The following TANC1 variants were observed in gnomAD, a reference collection of about 807,000 sequenced individuals.
The protein encoded by TANC1 is tetratricopeptide repeat, ankyrin repeat and coiled-coil containing 1.
A neutral mutation model predicts 149.7 loss-of-function variants in TANC1; 77 were observed. The ratio of observed to expected loss-of-function variants is 0.51; its 90% CI spans 0.43 to 0.62. The LOEUF is 0.62. TANC1 is among the 20% of genes least tolerant of loss of function. TANC1 has a pLI of 0.00. For missense variants in TANC1, 1,985 were observed against 2,321.8 expected (o/e 0.85, Z 2.98); for synonymous variants, 854 against 925.0 (o/e 0.92, Z 1.39).
At chr2:159,016,852 G>T (rs894093443) in intron 2 of TANC1, among the ~76,000 whole-genome samples, 4 of 152,132 alleles carry the variant, frequency 2.6e-5, no homozygotes, top group Admixed American at 1.3e-4. Context: ...GGGATTACAG[G>T]TGTGAGCCAC....
At chr2:159,078,906 G>A (rs958563706) in intron 3 of TANC1, among the ~76,000 whole-genome samples, 2 of 151,862 alleles carry the variant, frequency 1.3e-5, no homozygotes, top group African/African-American at 2.4e-5. Flanking sequence ...TAATTATGAG[G>A]GTTAAATATT....
Position 159,194,511 on chromosome 2 carries a change from C to G in TANC1, c.2979+18C>G, listed in dbSNP as rs968208007. The G allele has an allele frequency of 6.2e-7, 1 of 1,601,630 alleles. No individual in the cohort carries two copies. Among genetic ancestry groups the G allele is most frequent in the Non-Finnish European group, 8.6e-7 (1 of 1,168,842 alleles). On this transcript the variant is annotated intron_variant, in intron 17 of 26. Coordinates refer to ENST00000263635, the MANE Select transcript of TANC1 (RefSeq NM_033394.3). ...GAGTGAGAGTAAGCGGCAGCCTGCT[C>G]TTTTGGGGCTGGGGCAGGGAAATGG...
At chr2:159,000,892 C>G (rs2036566829) in intron 1 of TANC1, among the ~76,000 whole-genome samples, 188 bp from the exon 2 acceptor site, 1 of 152,174 alleles carries the variant, frequency 6.6e-6, no homozygotes, top group Admixed American at 6.5e-5. Flanking sequence ...CTGCGCTGGA[C>G]ACTGCCCTAA....
chr2:159,118,875 C>T (rs2048566010), intron 4 of TANC1, among the ~76,000 whole-genome samples: 1 of 152,142 alleles, frequency 6.6e-6, no homozygotes, highest in African/African-American at 2.4e-5. Flanking sequence ...AGAAGAAACA[C>T]TTTAAACTCT....
intron 3 of TANC1, among the ~76,000 whole-genome samples, chr2:159,072,835 A>G (rs974802982): frequency 3.3e-5 from 5 of 151,958 alleles, no homozygotes; most frequent in Non-Finnish European, 7.4e-5. Context: ...TCAGATGAAG[A>G]GTGATGTTCT....
At chr2:159,221,132 C>T (rs1340412689) in intron 22 of TANC1, among the ~76,000 whole-genome samples, 1 of 152,158 alleles carries the variant, frequency 6.6e-6, no homozygotes, top group South Asian at 2.1e-4. Context: ...GGGCAGATCA[C>T]TTGAGGTCAG....
rs569143039 is a variant in TANC1, at chr2:159,052,179, C to T, written c.-15-13717C>T. Among the ~76,000 whole-genome samples, 7 of 152,212 alleles carry T rather than the reference C, an allele frequency of 4.6e-5. No homozygotes were observed. The East Asian group carries it at 9.6e-4, about 21-fold the overall frequency. On this transcript the variant is annotated intron_variant, in intron 2 of 26. Coordinates refer to ENST00000263635, the MANE Select transcript of TANC1 (RefSeq NM_033394.3). ...ACCAAGAAAACAATACAACCAACAG[C>T]GTGTATTAAAAACACCTGTCTCAAA...
At chr2:159,188,741 C>G (rs2057213204) in intron 16 of TANC1, among the ~76,000 whole-genome samples, 1 of 152,262 alleles carries the variant, frequency 6.6e-6, no homozygotes, top group Admixed American at 6.5e-5. Flanking sequence ...TATGGCCACC[C>G]TGGCCAAGCC....
In TANC1 at chr2:159,227,937, A is replaced by G. The variant is rs763350254; in HGVS notation, c.4022A>G (p.Asn1341Ser). Residue 1341 changes from asparagine to serine, a missense_variant, in exon 25 of 27, where the codon AAT (asparagine) becomes AGT (serine). Physicochemically the swap from Asn to Ser is conservative, Grantham distance 46. Transcript: ENST00000263635. ...FNELRVSLYL[N>S]LSRCRRKTND... is the part of the protein sequence containing the mutation. ...GAATTAAGGGTTTCCCTCTATCTCA[A>G]TTTGTCGCGATGCCGAAGAAAAACA... The G allele has an allele frequency of 6.2e-7, 1 of 1,613,174 alleles. No individual in the cohort carries two copies. The highest frequency in any genetic ancestry group is 8.5e-7 in the Non-Finnish European group (1 of 1,179,746).
chr2:159,086,172 A>T (rs1294287844), intron 3 of TANC1, among the ~76,000 whole-genome samples: 1 of 152,084 alleles, frequency 6.6e-6, no homozygotes, highest in Non-Finnish European at 1.5e-5. Flanking sequence ...CTGTGAAAAA[A>T]ATGTGGAGTT....
chr2:159,101,726 T>A (rs1238035734), intron 4 of TANC1, among the ~76,000 whole-genome samples: 2 of 152,228 alleles, frequency 1.3e-5, no homozygotes, highest in Non-Finnish European at 2.9e-5. Flanking sequence ...GCTCATTTCC[T>A]GTGATTTATT....
chr2:159,133,361 C>T (rs202039143), intron 4 of TANC1, among the ~76,000 whole-genome samples: 305 of 124,184 alleles, frequency 2.5e-3, no homozygotes, highest in Middle Eastern at 4.2e-3. Context: ...TTTTTTTTCT[C>T]TTTTTTTGTC....
intron 8 of TANC1, among the ~76,000 whole-genome samples, chr2:159,164,969 C>T (rs1219757232): frequency 2.0e-5 from 3 of 152,182 alleles, no homozygotes; most frequent in Admixed American, 6.5e-5. Flanking sequence ...ACTGTCCCAC[C>T]ACTTTAACAG....
chr2:159,189,323 C>G (rs1056721331), intron 16 of TANC1, among the ~76,000 whole-genome samples: 1 of 152,134 alleles, frequency 6.6e-6, no homozygotes, highest in Admixed American at 6.5e-5. Context: ...GCCCTCATCT[C>G]GGCATGAGGT....
chr2:159,076,299 GT>G (rs1350568742), intron 3 of TANC1, among the ~76,000 whole-genome samples: 1 of 152,128 alleles, frequency 6.6e-6, no homozygotes, highest in African/African-American at 2.4e-5. Flanking sequence ...TGTTCTATAG[GT>G]AAAAGTTTCT....
At chr2:159,008,727 A>G (rs2037467799) in intron 2 of TANC1, among the ~76,000 whole-genome samples, 1 of 152,140 alleles carries the variant, frequency 6.6e-6, no homozygotes, top group Non-Finnish European at 1.5e-5. Context: ...GTTTAATATG[A>G]TGTTCTGGCT....
chr2:159,040,838 G>A (rs766189291), intron 2 of TANC1, among the ~76,000 whole-genome samples: 1 of 152,134 alleles, frequency 6.6e-6, no homozygotes, highest in Non-Finnish European at 1.5e-5. Context: ...GAGGAGAAGA[G>A]GCATTCTGGT....
At chr2:159,100,463 T>C (rs1190812055) in intron 4 of TANC1, among the ~76,000 whole-genome samples, 3 of 152,220 alleles carry the variant, frequency 2.0e-5, no homozygotes, top group African/African-American at 4.8e-5. Flanking sequence ...TTTTTCTCCA[T>C]AGGAATGAAA....
At chr2:159,175,931 G>A (rs1186096928) in intron 12 of TANC1, among the ~76,000 whole-genome samples, 1 of 152,220 alleles carries the variant, frequency 6.6e-6, no homozygotes, top group Non-Finnish European at 1.5e-5. Context: ...AGGGCAGTTT[G>A]CCCTGGGCTG....
Sources: gnomAD v4.1 joint callset for allele counts (sites outside exome capture counted in the v4.1 genomes callset) on GRCh38, gnomAD v4.1.1 for gene constraint, MANE v1.5 for transcripts, NCBI Gene and HGNC (gene_info 2026-07-23, HGNC 2026-07-21) for gene names.